The following EZH1 variants were observed in gnomAD, a reference collection of about 807,000 sequenced individuals.
EZH1 encodes the protein histone-lysine N-methyltransferase EZH1.
In EZH1, 33 loss-of-function variants were observed where a neutral mutation model predicts 100.5. The ratio of observed to expected loss-of-function variants is 0.33; its 90% CI spans 0.25 to 0.44. EZH1 has a LOEUF of 0.44. Ranked by LOEUF, EZH1 falls within the 20% of genes least tolerant of loss-of-function variation. The pLI is 1.00. For missense variants in EZH1, 475 were observed against 928.4 expected (o/e 0.51, Z 6.35); for synonymous variants, 272 against 313.8 (o/e 0.87, Z 1.41).
At chr17:42,719,878 C>CA (rs757863622) in intron 7 of EZH1, among the ~76,000 whole-genome samples, 2 of 151,852 alleles carry the variant, frequency 1.3e-5, no homozygotes, top group Non-Finnish European at 2.9e-5. Flanking sequence ...AATTATGATA[C>CA]AATAAAAGAG....
intron 10 of EZH1, among the ~76,000 whole-genome samples, chr17:42,715,663 C>T (rs2053588193): frequency 6.6e-6 from 1 of 152,080 alleles, no homozygotes; most frequent in Non-Finnish European, 1.5e-5. Context: ...ACAGATGAAT[C>T]CAGGATGTGG....
At chr17:42,717,916 CT>C in intron 10 of EZH1, 59 bp downstream of exon 10, 1 of 1,473,120 alleles carries the variant, frequency 6.8e-7, no homozygotes, top group Admixed American at 1.7e-5. Context: ...TGTGTACTGG[CT>C]CACGTGGCTT....
intron 1 of EZH1, among the ~76,000 whole-genome samples, chr17:42,740,487 C>T (rs1413341138): frequency 3.9e-5 from 6 of 152,166 alleles, no homozygotes; most frequent in Non-Finnish European, 8.8e-5. Context: ...CCACCCGCTT[C>T]GGCCTCCCAA....
chr17:42,712,155 C>T (rs1224453642), intron 12 of EZH1, 134 bp downstream of exon 12: 12 of 926,030 alleles, frequency 1.3e-5, no homozygotes, highest in Admixed American at 2.5e-5. Flanking sequence ...CACAGAAGCA[C>T]AGGCTCATCA....
chr17:42,722,247 G>C (rs2053722448), intron 6 of EZH1, among the ~76,000 whole-genome samples: 1 of 151,286 alleles, frequency 6.6e-6, no homozygotes, highest in Non-Finnish European at 1.5e-5. Context: ...AGCCCAGGAG[G>C]CTGAGGCTAC....
intron 1 of EZH1, among the ~76,000 whole-genome samples, chr17:42,740,468 C>T (rs1331304480): frequency 6.6e-6 from 1 of 152,126 alleles, no homozygotes; most frequent in Non-Finnish European, 1.5e-5. Flanking sequence ...GATCTCTTGA[C>T]CTTGTGATCC....
intron 10 of EZH1, among the ~76,000 whole-genome samples, chr17:42,717,335 G>A (rs2053625739): frequency 6.6e-6 from 1 of 152,186 alleles, no homozygotes; most frequent in Admixed American, 6.5e-5. Flanking sequence ...TCCCACTAAA[G>A]ATGGTTCCAA....
chr17:42,707,265 T>G (rs2053375900), intron 15 of EZH1, among the ~76,000 whole-genome samples: 1 of 151,828 alleles, frequency 6.6e-6, no homozygotes, highest in African/African-American at 2.4e-5. Context: ...GAGTCCCACA[T>G]TTCTTTTCTT....
At chr17:42,738,992 G>C (rs1267610788) in intron 1 of EZH1, among the ~76,000 whole-genome samples, 2 of 151,686 alleles carry the variant, frequency 1.3e-5, no homozygotes, top group Admixed American at 6.6e-5. Flanking sequence ...TCCTGACCTC[G>C]TGATCCACCT....
At chr17:42,738,003 C>T (rs1194232632) in intron 1 of EZH1, among the ~76,000 whole-genome samples, 2 of 151,750 alleles carry the variant, frequency 1.3e-5, no homozygotes, top group South Asian at 2.1e-4. Context: ...AGTGAAACCC[C>T]GTCTCTACTA....
chr17:42,713,836 T>G (rs762121521), intron 10 of EZH1, among the ~76,000 whole-genome samples: 1 of 152,248 alleles, frequency 6.6e-6, no homozygotes, highest in Non-Finnish European at 1.5e-5. Context: ...TATCTAAAAT[T>G]AACTTGCGTG....
At chr17:42,730,527 C>T (rs1483136811) in intron 2 of EZH1, among the ~76,000 whole-genome samples, 34 of 106,220 alleles carry the variant, frequency 3.2e-4, no homozygotes, top group South Asian at 1.3e-3. Context: ...GACGGAGTCT[C>T]GCTCTGTCGC....
chr17:42,713,385 C>A lies in EZH1; in HGVS notation c.1028G>T (p.Gly343Val). The A allele has an allele frequency of 6.3e-7, 1 of 1,598,384 alleles. No homozygotes were observed. Among genetic ancestry groups the A allele is most frequent in the Non-Finnish European group, 8.6e-7 (1 of 1,167,072 alleles). Residue 343 changes from glycine (G) to valine (V), a missense_variant, in exon 11 of 21, where the codon GGA (glycine) becomes GTA (valine). Physicochemically the swap from Gly to Val is moderately radical, Grantham distance 109. Transcript: ENST00000428826. Reference protein sequence around the residue: ...CGTDCFLLLEGAKEYAMLHNP... With the variant: ...CGTDCFLLLEVAKEYAMLHNP... ...GTGGAGCATGGCATACTCCTTTGCT[C>A]CTTCCTGCAGTGGACACATTACAGA...
rs1020576888 is a variant in EZH1 at position 42,701,188 on chromosome 17, G to A, written c.*1344C>T. The stretch of plus-strand genomic sequence containing the variant: ...CCCAGGAGATGAGACAGGACTGGAG[G>A]AGAATCTCCCACCCTCTCTTCTTCC... On this transcript the variant is annotated 3_prime_UTR_variant, in exon 21 of 21. Transcript: ENST00000428826. The A allele has an allele frequency of 1.3e-5, 2 of 152,826 alleles. No individual in the cohort carries two copies. Among genetic ancestry groups the A allele is most frequent in the Admixed American group, 6.5e-5 (1 of 15,284 alleles). The allele number at this position is 152,826 out of a possible 1,614,324, so 9.5% of individuals were successfully genotyped here.
Position 42,718,217 on chromosome 17 carries a change from C to T in EZH1, c.932-150G>A. ...CACAAAATTCAGTCATTTCTGACAT[C>T]AACACAATGCTTTCAAAGCTAAGAG... On this transcript the variant is annotated intron_variant, in intron 9 of 20. Coordinates refer to ENST00000428826, the MANE Select transcript of EZH1 (RefSeq NM_001991.5). The surrounding 1 kb of genome is among the most constrained non-coding windows in gnomAD (Gnocchi z 4.2). 1.2e-6 allele frequency: 1 copy of T among 848,064 alleles called. No homozygotes were observed. 52.5% of individuals were successfully genotyped at this position (848,064 alleles called of 1,614,324 possible).
At chr17:42,705,220 G>A (rs2053327959) in intron 16 of EZH1, 37 bp from the exon 17 acceptor site, 11 of 1,357,896 alleles carry the variant, frequency 8.1e-6, no homozygotes, top group Non-Finnish European at 1.2e-5. Context: ...ACTACAGGGT[G>A]TGCATGAGTA....
Position 42,707,060 on chromosome 17 carries a change from T to A in EZH1, c.1661-875A>T, listed in dbSNP as rs148841291. On this transcript the variant is annotated intron_variant, in intron 15 of 20. Coordinates refer to ENST00000428826, the MANE Select transcript of EZH1 (RefSeq NM_001991.5). ...TTGAGTTGGGAAGGGCATGGTGGGA[T>A]AAGAAGTAAAAGATAAGTACCCGGA... 3.2e-3 allele frequency among the ~76,000 whole-genome samples: 489 copies of A among 152,180 alleles called. 2 individuals are homozygous for A. Among genetic ancestry groups the A allele is most frequent in the Non-Finnish European group, 5.3e-3 (361 of 68,014 alleles).
chr17:42,744,565 C>T (rs79908967), intron 1 of EZH1, among the ~76,000 whole-genome samples: 13 of 152,200 alleles, frequency 8.5e-5, no homozygotes, highest in African/African-American at 3.1e-4. Flanking sequence ...TCCTCAACAT[C>T]CCCGAAAGCC....
Position 42,718,585 on chromosome 17 carries a change from T to C in EZH1, c.800A>G (p.Asn267Ser), listed in dbSNP as rs201328092. ...GGGTGTGCACTGAGGGGGAAGTGCA[T>C]TGGGGTCTGACATCTCTGTTAGTTC... ...YRELTEMSDP[N>S]ALPPQCTPNI... is the part of the protein sequence containing the mutation. Residue 267 changes from asparagine to serine, a missense_variant, in exon 9 of 21, where the codon AAT becomes AGT. By Grantham distance (46) the Asn-to-Ser change is conservative. Coordinates refer to ENST00000428826, the MANE Select transcript of EZH1 (RefSeq NM_001991.5). This position sits in a 1 kb window ranked among gnomAD's most constrained non-coding sequence, Gnocchi z 4.2. 87 of 1,613,980 alleles carry C rather than the reference T, an allele frequency of 5.4e-5. No homozygotes were observed. Among genetic ancestry groups the C allele is most frequent in the African/African-American group, 2.7e-5 (2 of 74,892 alleles).
Sources: gnomAD v4.1 joint callset for allele counts (sites outside exome capture counted in the v4.1 genomes callset) on GRCh38, gnomAD v4.1.1 for gene constraint, Gnocchi (gnomAD v3.1) non-coding constraint, MANE v1.5 for transcripts, NCBI Gene and HGNC (gene_info 2026-07-23, HGNC 2026-07-21) for gene names.